Variants in PAQR5 observed in about 807,000 individuals in gnomAD.
PAQR5 encodes the protein membrane progestin receptor gamma.
PAQR5 carries 20 observed loss-of-function variants against 34.5 expected under a neutral mutation model. The observed-to-expected ratio is 0.58, with a 90% CI of 0.41 to 0.84. The LOEUF is 0.84. Among genes scored for constraint, PAQR5 ranks in the 40% least tolerant of loss-of-function variants. The pLI, the probability that PAQR5 is intolerant of heterozygous loss-of-function variation, is 0.00. For synonymous variants in PAQR5, 131 were observed against 155.6 expected, an observed-to-expected ratio of 0.84 and a Z score of 1.18; for missense variants, 378 against 412.7, an observed-to-expected ratio of 0.92 and a Z score of 0.73.
intron 2 of PAQR5, among the ~76,000 whole-genome samples, chr15:69,358,428 C>T (rs1357556902): frequency 1.3e-5 from 2 of 152,040 alleles, no homozygotes; most frequent in South Asian, 2.1e-4. Context: ...TGAGGCAGCT[C>T]CTGACCCTCT....
At position 69,359,377 on chromosome 15, in the gene PAQR5, C is replaced by T. The variant is rs184680275; in HGVS notation, c.-115-589C>T. Among the ~76,000 whole-genome samples, 413 of 152,222 alleles carry T rather than the reference C, an allele frequency of 2.7e-3. 2 individuals carry two copies. Among genetic ancestry groups the T allele is most frequent in the African/African-American group, 9.2e-3 (382 of 41,546 alleles). Reference sequence around the variant, plus strand: ...TAAAGACGGAAGCGGTTTATTTGGCCGGGGGGCATCAGCAAGACTCCTGTC... The same window carrying T: ...TAAAGACGGAAGCGGTTTATTTGGCTGGGGGGCATCAGCAAGACTCCTGTC... On this transcript the variant is annotated intron_variant, in intron 2 of 8. Coordinates refer to ENST00000395407, the MANE Select transcript of PAQR5 (RefSeq NM_017705.4).
chr15:69,329,463 C>CCTTTTTTTT (rs1224567638), intron 1 of PAQR5, among the ~76,000 whole-genome samples: 1 of 73,760 alleles, frequency 1.4e-5, no homozygotes, highest in African/African-American at 5.7e-5. Flanking sequence ...TTTTTTCTTT[C>CCTTTTTTTT]TTTTTTTTTT....
intron 3 of PAQR5, among the ~76,000 whole-genome samples, chr15:69,376,481 T>TAGTA (rs1216947145): frequency 6.6e-6 from 1 of 152,152 alleles, no homozygotes; most frequent in Non-Finnish European, 1.5e-5. Flanking sequence ...AACTAAGACC[T>TAGTA]AGTAATAGGG....
chr15:69,323,619 A>G (rs1299725536), intron 1 of PAQR5, among the ~76,000 whole-genome samples: 3 of 152,172 alleles, frequency 2.0e-5, no homozygotes, highest in Non-Finnish European at 2.9e-5. Context: ...TCATTCATTT[A>G]TTTTCTTCTA....
intron 7 of PAQR5, among the ~76,000 whole-genome samples, chr15:69,398,260 A>G (rs1485955980): frequency 1.3e-5 from 2 of 152,200 alleles, no homozygotes; most frequent in African/African-American, 4.8e-5. Flanking sequence ...GATGGAGAGC[A>G]TAAAGGAAGA....
chr15:69,300,961 T>TTCTTTCTTTCTTTCTTTCTTTCTC (rs2053586097), intron 1 of PAQR5, among the ~76,000 whole-genome samples: 2 of 56,486 alleles, frequency 3.5e-5, no homozygotes, highest in African/African-American at 1.5e-4. Flanking sequence ...CTTTCTTTCT[T>TTCTTTCTTTCTTTCTTTCTTTCTC]TCTTTCTTTC....
chr15:69,358,534 G>C (rs948580362), intron 2 of PAQR5, among the ~76,000 whole-genome samples: 2 of 151,958 alleles, frequency 1.3e-5, no homozygotes, highest in African/African-American at 4.8e-5. Context: ...TCCCTGCTGC[G>C]GTGCGGCCTT....
At chr15:69,376,113 G>A (rs1428123780) in intron 3 of PAQR5, among the ~76,000 whole-genome samples, 2 of 152,116 alleles carry the variant, frequency 1.3e-5, no homozygotes, top group African/African-American at 2.4e-5. Context: ...CTTCTAAATA[G>A]GCTGCATATG....
intron 3 of PAQR5, among the ~76,000 whole-genome samples, chr15:69,367,550 C>T (rs1453342951): frequency 6.6e-6 from 1 of 152,200 alleles, no homozygotes; most frequent in Non-Finnish European, 1.5e-5. Context: ...CTGCAACGTG[C>T]AGCCTCCAAG....
In PAQR5 at chr15:69,298,932, G is replaced by T; in HGVS notation, c.-401G>T. 6.6e-6 allele frequency: 1 copy of T among 152,050 alleles called. No individual in the cohort carries two copies. The highest frequency in any genetic ancestry group is 1.5e-5 in the Non-Finnish European group (1 of 67,968). 9.4% of individuals were successfully genotyped at this position (152,050 alleles called of 1,614,324 possible). The stretch of plus-strand genomic sequence containing the variant: ...CCGGCATGGGTAGGCGCGGCGACCC[G>T]CAGGGCCAGGTGCAGGGCCCGCGAG... On this transcript the variant is annotated 5_prime_UTR_variant, in exon 1 of 9. Transcript: ENST00000395407.
intron 1 of PAQR5, among the ~76,000 whole-genome samples, chr15:69,318,902 A>G (rs1049885010): frequency 1.1e-4 from 16 of 151,736 alleles, no homozygotes; most frequent in African/African-American, 3.9e-4. Context: ...AGGCCGAGGC[A>G]GGTGGATCAC....
intron 1 of PAQR5, among the ~76,000 whole-genome samples, chr15:69,326,925 T>A (rs1425816334): frequency 6.6e-6 from 1 of 151,918 alleles, no homozygotes; most frequent in Admixed American, 6.6e-5. Flanking sequence ...CCTCATGCTT[T>A]ATGTTGTGCA....
intron 3 of PAQR5, among the ~76,000 whole-genome samples, chr15:69,369,907 A>C (rs1242535682): frequency 2.0e-5 from 3 of 152,120 alleles, no homozygotes; most frequent in Non-Finnish European, 4.4e-5. Context: ...TGTTTACAAA[A>C]TCTGGCAGCA....
intron 8 of PAQR5, among the ~76,000 whole-genome samples, chr15:69,400,550 GGCATGGTGGCGT>G (rs1374302006): frequency 1.3e-5 from 2 of 152,152 alleles, no homozygotes; most frequent in African/African-American, 4.8e-5. Context: ...AAATTAGCTG[GGCATGGTGGCGT>G]GCACCTGTGG....
intron 2 of PAQR5, among the ~76,000 whole-genome samples, chr15:69,356,667 C>T (rs1328235059): frequency 6.6e-6 from 1 of 152,116 alleles, no homozygotes; most frequent in East Asian, 1.9e-4. Context: ...CCCCTGGTAA[C>T]CACTATCCAG....
chr15:69,341,927 C>CAAAA (rs71149907), intron 2 of PAQR5, among the ~76,000 whole-genome samples: 1 of 135,108 alleles, frequency 7.4e-6, no homozygotes. Context: ...GACCCTGTCT[C>CAAAA]AAAAAAAAAA....
chr15:69,354,926 TC>T (rs1259110855), intron 2 of PAQR5, among the ~76,000 whole-genome samples: 1 of 152,156 alleles, frequency 6.6e-6, no homozygotes, highest in African/African-American at 2.4e-5. Context: ...GCATCAGAAC[TC>T]CAGGCTTTCT....
At chr15:69,327,269 G>C (rs900615799) in intron 1 of PAQR5, among the ~76,000 whole-genome samples, 6 of 152,064 alleles carry the variant, frequency 3.9e-5, no homozygotes, top group Non-Finnish European at 8.8e-5. Flanking sequence ...AGTGCTTACA[G>C]GTGTGAGCCA....
intron 7 of PAQR5, among the ~76,000 whole-genome samples, chr15:69,399,125 G>A (rs1246244763): frequency 6.6e-6 from 1 of 152,184 alleles, no homozygotes; most frequent in Non-Finnish European, 1.5e-5. Flanking sequence ...CAGTATAGTG[G>A]CCATCATTGA....
Sources: allele counts gnomAD v4.1 joint callset (sites outside exome capture counted in the v4.1 genomes callset), GRCh38; gene constraint gnomAD v4.1.1; transcripts MANE v1.5; gene names NCBI Gene and HGNC (gene_info 2026-07-23, HGNC 2026-07-21).